Variants in NAV2 observed in about 807,000 individuals in gnomAD.
NAV2 encodes the protein helicase, APC down-regulated 1.
Under a neutral mutation model 223.2 loss-of-function variants are expected in NAV2, and 54 were observed. The ratio of observed to expected loss-of-function variants is 0.24; its 90% CI spans 0.19 to 0.30. The LOEUF (loss-of-function observed/expected upper bound fraction) is 0.30, where lower values mean the gene tolerates loss of function less well. NAV2 is among the 10% of genes least tolerant of loss of function. NAV2 has a pLI of 1.00. For missense variants in NAV2, 2,806 were observed against 3,147.5 expected (o/e 0.89, Z 2.60); for synonymous variants, 1,279 against 1,239.3 (o/e 1.03, Z -0.67).
At chr11:19,620,192 A>G (rs1270714906) in intron 1 of NAV2, among the ~76,000 whole-genome samples, 3,326 of 152,068 alleles carry the variant, frequency 0.022, 123 homozygotes, top group African/African-American at 0.074. Flanking sequence ...GTCAGGTAGC[A>G]TGATGCCTCC....
rs777914254 is a variant in NAV2 at position 19,933,540 on chromosome 11, T to C, written c.1296T>C (p.Thr432=). The C allele has an allele frequency of 1.2e-6, 2 of 1,609,284 alleles. No individual in the cohort carries two copies. The highest frequency in any genetic ancestry group is 4.5e-5 in the East Asian group (2 of 44,802). ...ACACAAGCTGTGAGCGGCTGGAGAC[T>C]CTGCCCAGCTTCGAAGAGAGCGAGG... ...SRDTSCERLE[T]LPSFEESEEL... The change falls in exon 7 of 38, where the codon ACT becomes ACC. Residue 432 remains threonine, a synonymous_variant. Transcript: ENST00000349880. This position sits in a 1 kb window ranked among gnomAD's most constrained non-coding sequence, Gnocchi z 4.3.
At chr11:20,097,478 A>G (rs2153693758) in intron 30 of NAV2, 99 bp from the exon 31 acceptor site, 1 of 995,544 alleles carries the variant, frequency 1.0e-6, no homozygotes, top group South Asian at 2.1e-5. Context: ...ACATCTGAGA[A>G]AGAAGAGAAT....
At chr11:19,867,778 CA>C (rs1429063804) in intron 3 of NAV2, among the ~76,000 whole-genome samples, 1 of 152,146 alleles carries the variant, frequency 6.6e-6, no homozygotes, top group Non-Finnish European at 1.5e-5. Flanking sequence ...TAATTTAAAG[CA>C]CTTGGAAGAT....
At chr11:19,965,187 G>C (rs889440497) in intron 10 of NAV2, among the ~76,000 whole-genome samples, 1 of 152,112 alleles carries the variant, frequency 6.6e-6, no homozygotes, top group Non-Finnish European at 1.5e-5. Flanking sequence ...AGGGATTTGG[G>C]GGGGCGGGGC....
At chr11:19,744,596 A>G (rs1365392567) in intron 1 of NAV2, among the ~76,000 whole-genome samples, 4 of 152,024 alleles carry the variant, frequency 2.6e-5, no homozygotes, top group Admixed American at 1.3e-4. Context: ...TGACATGGGT[A>G]TAAAAGGAAT....
intron 4 of NAV2, among the ~76,000 whole-genome samples, chr11:19,870,968 C>T (rs1356193149): frequency 6.6e-6 from 1 of 152,064 alleles, no homozygotes. Context: ...ATGTTATAGC[C>T]CATGGAGGCA....
At chr11:19,638,934 G>T (rs186796945) in intron 1 of NAV2, among the ~76,000 whole-genome samples, 9 of 152,152 alleles carry the variant, frequency 5.9e-5, no homozygotes, top group African/African-American at 2.2e-4. Context: ...CAGAGGTTGC[G>T]GTGAGCTGAG....
intron 1 of NAV2, among the ~76,000 whole-genome samples, chr11:19,638,140 G>A (rs142855338): frequency 1.3e-5 from 2 of 152,246 alleles, no homozygotes; most frequent in East Asian, 3.9e-4. Flanking sequence ...TTCAGCAGGA[G>A]CTACTAGATT....
In NAV2 at chr11:19,933,870, C is replaced by A. The variant is rs146546969; in HGVS notation, c.1626C>A (p.Phe542Leu). ...MPKKSSKIASFIPKGGKLNSA... is the reference protein window; with the variant it reads ...MPKKSSKIASLIPKGGKLNSA... ...AAAAGTCCTCCAAGATTGCCAGCTT[C>A]ATCCCCAAAGGGGGGAAGCTCAACA... is the stretch of plus-strand genomic sequence containing the variant. The change falls in exon 7 of 38, where the codon TTC (phenylalanine) becomes TTA (leucine). Residue 542 changes from phenylalanine (F) to leucine (L), a missense_variant. Phe to Leu is a conservative substitution (Grantham distance 22, BLOSUM62 0). Around this residue, in one of 4 missense-constraint regions of NAV2, gnomAD observed 1,167 missense variants for 1,180.5 expected, o/e 0.99. Transcript: ENST00000349880. This position sits in a 1 kb window ranked among gnomAD's most constrained non-coding sequence, Gnocchi z 4.3. 1.7e-4 allele frequency: 265 copies of A among 1,602,856 alleles called. No homozygotes were observed. The African/African-American group carries it at 3.2e-3, about 20-fold the overall frequency.
At chr11:19,774,384 T>C (rs2152618808) in intron 1 of NAV2, among the ~76,000 whole-genome samples, 1 of 152,294 alleles carries the variant, frequency 6.6e-6, no homozygotes, top group African/African-American at 2.4e-5. Context: ...ACTATGTTGT[T>C]CAGTCTGGTC....
At chr11:19,803,004 C>T (rs1195899026) in intron 1 of NAV2, among the ~76,000 whole-genome samples, 1 of 152,198 alleles carries the variant, frequency 6.6e-6, no homozygotes, top group Non-Finnish European at 1.5e-5. Flanking sequence ...TTGTCATGTT[C>T]TTGCACAGAG....
At chr11:19,724,266 G>A in intron 1 of NAV2, among the ~76,000 whole-genome samples, 1 of 152,208 alleles carries the variant, frequency 6.6e-6, no homozygotes, top group East Asian at 1.9e-4. Context: ...GTAATCAGAT[G>A]TTCTGCTCTG....
intron 1 of NAV2, chr11:19,760,058 T>C (rs1189887406): frequency 6.5e-6 from 1 of 153,206 alleles, no homozygotes; most frequent in Non-Finnish European, 1.5e-5. Context: ...GAGAGGCAAA[T>C]GGATAGGATA....
At chr11:19,961,196 C>A (rs1025252708) in intron 10 of NAV2, among the ~76,000 whole-genome samples, 5 of 152,018 alleles carry the variant, frequency 3.3e-5, no homozygotes, top group African/African-American at 1.2e-4. Context: ...GCAGTCCTCC[C>A]ACCTTGACCT....
chr11:19,945,914 C>T (rs1200983232), intron 8 of NAV2, among the ~76,000 whole-genome samples: 1 of 152,268 alleles, frequency 6.6e-6, no homozygotes, highest in Non-Finnish European at 1.5e-5. Context: ...AAGAAGGCAA[C>T]CTTTCTCTGT....
At chr11:20,022,571 A>G in intron 11 of NAV2, 1 of 985,740 alleles carries the variant, frequency 1.0e-6, no homozygotes, top group Non-Finnish European at 1.2e-6. Context: ...TTTCAATCGA[A>G]TGCTTTGCCT....
chr11:19,561,069 C>T (rs961150089), intron 1 of NAV2, among the ~76,000 whole-genome samples: 5 of 152,224 alleles, frequency 3.3e-5, no homozygotes, highest in African/African-American at 1.2e-4. Flanking sequence ...CTTCTGAATA[C>T]ACCTGGCAAA....
intron 28 of NAV2, 91 bp downstream of exon 28, chr11:20,092,459 G>C: frequency 7.3e-7 from 1 of 1,364,426 alleles, no homozygotes; most frequent in Non-Finnish European, 1.0e-6. Flanking sequence ...CAGATCAACA[G>C]ATCAAATGGA....
chr11:20,080,786 C>G (rs750764286), intron 25 of NAV2, among the ~76,000 whole-genome samples: 1 of 152,202 alleles, frequency 6.6e-6, no homozygotes, highest in Non-Finnish European at 1.5e-5. Flanking sequence ...TAGAATCAGT[C>G]TCCATTACAG....
Sources: allele counts gnomAD v4.1 joint callset (sites outside exome capture counted in the v4.1 genomes callset), GRCh38; gene constraint gnomAD v4.1.1; regional missense constraint gnomAD v4.1.1; non-coding constraint Gnocchi (gnomAD v3.1); transcripts MANE v1.5; gene names NCBI Gene and HGNC (gene_info 2026-07-23, HGNC 2026-07-21).